ZEB2: variants seen among roughly 807,000 people sequenced by gnomAD.
ZEB2 encodes the protein zinc finger E-box binding homeobox 2, also known as zinc finger E-box-binding homeobox 2.
In ZEB2, 6 loss-of-function variants were observed where a neutral mutation model predicts 99.9. The ratio of observed to expected loss-of-function variants is 0.06; its 90% CI spans 0.03 to 0.12. The LOEUF is 0.12. Among genes scored for constraint, ZEB2 ranks in the 10% least tolerant of loss-of-function variants. The pLI is 1.00. For missense variants in ZEB2, 969 were observed against 1,502.8 expected (o/e 0.64, Z 5.87); for synonymous variants, 517 against 542.5 (o/e 0.95, Z 0.65).
chr2:144,462,165 G>A (rs1392285839), intron 2 of ZEB2: 1 of 151,526 alleles, frequency 6.6e-6, no homozygotes, highest in Non-Finnish European at 1.5e-5. Context: ...GGCATTCTGG[G>A]AAAAAAGAAG....
chr2:144,498,029 A>G (rs1331042743), intron 2 of ZEB2, among the ~76,000 whole-genome samples: 4 of 51,102 alleles, frequency 7.8e-5, no homozygotes, highest in African/African-American at 2.6e-4. Flanking sequence ...TATATATTAT[A>G]TAATATATAT....
chr2:144,441,617 C>T (rs1703919300), intron 2 of ZEB2, among the ~76,000 whole-genome samples: 1 of 151,452 alleles, frequency 6.6e-6, no homozygotes, highest in Admixed American at 6.6e-5. Context: ...AAAGAGACCA[C>T]TCTTTTACTG....
chr2:144,446,576 C>G (rs577070334), intron 2 of ZEB2, among the ~76,000 whole-genome samples: 1 of 152,312 alleles, frequency 6.6e-6, no homozygotes, highest in South Asian at 2.1e-4. Flanking sequence ...GACCAATTAT[C>G]TATCCAGTGC....
At chr2:144,460,956 T>C (rs1704184793) in intron 2 of ZEB2, among the ~76,000 whole-genome samples, 1 of 152,104 alleles carries the variant, frequency 6.6e-6, no homozygotes, top group African/African-American at 2.4e-5. Context: ...TTTCAACCTC[T>C]GAGACAACAC....
intron 2 of ZEB2, among the ~76,000 whole-genome samples, chr2:144,508,218 G>A (rs1306038917): frequency 3.3e-5 from 5 of 152,108 alleles, no homozygotes; most frequent in East Asian, 3.9e-4. Context: ...CCTTGTATAC[G>A]GGCGTTTGTT....
At chr2:144,413,915 A>G (rs1299668822) in intron 4 of ZEB2, among the ~76,000 whole-genome samples, 1 of 152,230 alleles carries the variant, frequency 6.6e-6, no homozygotes, top group Non-Finnish European at 1.5e-5. Flanking sequence ...AGAGTTATTA[A>G]ACCAAGAGGA....
chr2:144,494,158 A>AAAC (rs1704726838), intron 2 of ZEB2: 1 of 151,280 alleles, frequency 6.6e-6, no homozygotes, highest in Non-Finnish European at 1.5e-5. Flanking sequence ...TCTCAAAAAA[A>AAAC]AAAAAAAAAA....
chr2:144,414,505 C>T (rs888926250), intron 4 of ZEB2, among the ~76,000 whole-genome samples: 1 of 151,996 alleles, frequency 6.6e-6, no homozygotes, highest in South Asian at 2.1e-4. Flanking sequence ...CATCCCATGA[C>T]GGCTAGTGCG....
At chr2:144,432,706 G>A (rs1703789845) in intron 2 of ZEB2, among the ~76,000 whole-genome samples, 1 of 152,120 alleles carries the variant, frequency 6.6e-6, no homozygotes, top group African/African-American at 2.4e-5. Context: ...AATACTTGAT[G>A]GGTTTAGCCG....
chr2:144,513,517 A>C (rs1295056678), intron 2 of ZEB2: 1 of 1,528,154 alleles, frequency 6.5e-7, no homozygotes, highest in Non-Finnish European at 8.7e-7. Context: ...AGACAACTTC[A>C]TTTCTTTCTC....
At chr2:144,440,516 T>TATATATATATATATATA (rs1491431111) in intron 2 of ZEB2, among the ~76,000 whole-genome samples, 5 of 10,010 alleles carry the variant, frequency 5.0e-4, no homozygotes, top group African/African-American at 1.0e-3. Context: ...TATATATATA[T>TATATATATATATATATA]TTTTTTTTTT....
intron 2 of ZEB2, among the ~76,000 whole-genome samples, chr2:144,475,514 A>G (rs1260917888): frequency 6.6e-6 from 1 of 152,176 alleles, no homozygotes; most frequent in Non-Finnish European, 1.5e-5. Flanking sequence ...ATGTATGTAT[A>G]TATGTCATTT....
intron 2 of ZEB2, among the ~76,000 whole-genome samples, chr2:144,458,972 C>T (rs1235653392): frequency 1.3e-5 from 2 of 152,004 alleles, no homozygotes; most frequent in African/African-American, 4.8e-5. Flanking sequence ...ATGATAGAGA[C>T]CAGAGTGAGG....
chr2:144,407,517 TA>T lies in ZEB2; in HGVS notation c.404-2494del, dbSNP rs796246947. Reference sequence around the variant, plus strand: ...GTAGAAACTGTCAACTTGCATAAAGTATTTGCTCATTGTTTTGGATCATCAA... The same window carrying T: ...GTAGAAACTGTCAACTTGCATAAAGTTTTGCTCATTGTTTTGGATCATCAA... On this transcript the variant is annotated intron_variant, in intron 4 of 9. Coordinates refer to ENST00000627532, the MANE Select transcript of ZEB2 (RefSeq NM_014795.4). 9.8e-5 allele frequency among the ~76,000 whole-genome samples: 15 copies of T among 152,318 alleles called. No homozygotes were observed. The South Asian group carries it at 3.1e-3, about 32-fold the overall frequency.
intron 6 of ZEB2, among the ~76,000 whole-genome samples, chr2:144,403,296 A>G (rs900794592): frequency 3.3e-5 from 5 of 152,192 alleles, no homozygotes; most frequent in Non-Finnish European, 7.4e-5. Context: ...TAATTTTAAC[A>G]TTTAGCTACA....
At chr2:144,494,927 G>T (rs537627881) in intron 2 of ZEB2, 42 of 152,064 alleles carry the variant, frequency 2.8e-4, no homozygotes, top group African/African-American at 9.6e-4. Context: ...CTCAGAAAAA[G>T]AAAAGAAAGA....
chr2:144,447,530 G>T (rs1704001907), intron 2 of ZEB2, among the ~76,000 whole-genome samples: 1 of 152,056 alleles, frequency 6.6e-6, no homozygotes, highest in Admixed American at 6.6e-5. Flanking sequence ...AACTACAGGA[G>T]AATTTTTGAC....
intron 5 of ZEB2, 103 bp from the exon 6 acceptor site, chr2:144,404,233 C>A: frequency 3.1e-6 from 4 of 1,284,062 alleles, no homozygotes; most frequent in South Asian, 1.3e-5. Flanking sequence ...GGAATCACTG[C>A]AATCTGCTCC....
intron 4 of ZEB2, 102 bp from the exon 5 acceptor site, chr2:144,405,126 A>T (rs996380158): frequency 8.1e-7 from 1 of 1,227,466 alleles, no homozygotes; most frequent in Middle Eastern, 1.9e-4. Flanking sequence ...CTTGCAATAG[A>T]CTACAAAACC....
Sources: allele counts gnomAD v4.1 joint callset (sites outside exome capture counted in the v4.1 genomes callset), GRCh38; gene constraint gnomAD v4.1.1; transcripts MANE v1.5; gene names NCBI Gene and HGNC (gene_info 2026-07-23, HGNC 2026-07-21).